The following MYO15A variants were observed in gnomAD, a reference collection of about 807,000 sequenced individuals.
MYO15A encodes the protein myosin XVA.
Under a neutral mutation model 394.6 loss-of-function variants are expected in MYO15A, and 308 were observed. The observed-to-expected ratio is 0.78, with a 90% CI of 0.71 to 0.86. The LOEUF is 0.86. MYO15A is among the 40% of genes least tolerant of loss of function. The pLI is 0.00. For synonymous variants in MYO15A, 1,957 were observed against 2,003.8 expected (o/e 0.98, Z 0.62); for missense variants, 4,606 against 4,799.1 (o/e 0.96, Z 1.19).
intron 12 of MYO15A, among the ~76,000 whole-genome samples, chr17:18,135,211 C>T (rs1046506543): frequency 3.3e-5 from 5 of 152,134 alleles, no homozygotes; most frequent in Admixed American, 6.6e-5. Context: ...ACTCTTGTCG[C>T]CCAGGCTGGA....
rs1417405313 is a variant in MYO15A at position 18,127,174 on chromosome 17, A to G, written c.4032+9A>G. On this transcript the variant is annotated intron_variant, in intron 7 of 65. Coordinates refer to ENST00000647165, the MANE Select transcript of MYO15A (RefSeq NM_016239.4). ...GGGAGGTCATGCAGCAGGTGAGTCT[A>G]CCTGTCTCCCCAGGACCCTAGGCTG... 6.2e-7 allele frequency: 1 copy of G among 1,613,762 alleles called. No homozygotes were observed. The highest frequency in any genetic ancestry group is 8.5e-7 in the Non-Finnish European group (1 of 1,179,968).
At position 18,163,840 on chromosome 17, in the gene MYO15A, T is replaced by A. The variant is rs1316979410; in HGVS notation, c.9787+2T>A. 6.2e-7 allele frequency: 1 copy of A among 1,612,922 alleles called. No individual in the cohort carries two copies. The highest frequency in any genetic ancestry group is 1.3e-5 in the African/African-American group (1 of 74,912). ...TTATCTTCGTTGTCACCAACCGTGGTGAGTGCCAGGAAGACTGAGCATGCT... is the reference window on the plus strand; with the variant it reads ...TTATCTTCGTTGTCACCAACCGTGGAGAGTGCCAGGAAGACTGAGCATGCT... On this transcript the variant is annotated splice_donor_variant, in intron 60 of 65. Coordinates refer to ENST00000647165, the MANE Select transcript of MYO15A (RefSeq NM_016239.4). LOFTEE classifies it high-confidence loss of function.
rs2046046988 is a variant in MYO15A, at chr17:18,126,600, C to G, written c.3866+144C>G. ...ACCTACTCAATCTGACAGTCTCTCC[C>G]CAGGCAGGGCCGAAGCTACAGGTTG... On this transcript the variant is annotated intron_variant, in intron 5 of 65. Coordinates refer to ENST00000647165, the MANE Select transcript of MYO15A (RefSeq NM_016239.4). 3 of 1,070,256 alleles carry G rather than the reference C, an allele frequency of 2.8e-6. No individual in the cohort carries two copies. In the Admixed American group the frequency reaches 5.9e-5, roughly 21 times the overall value. 66.3% of individuals were successfully genotyped at this position (1,070,256 alleles called of 1,614,324 possible).
chr17:18,139,486 C>A, intron 18 of MYO15A, 48 bp from the exon 19 acceptor site: 1 of 1,582,618 alleles, frequency 6.3e-7, no homozygotes, highest in Non-Finnish European at 8.6e-7. Flanking sequence ...CTAGGATAGA[C>A]AGAGAGACAG....
chr17:18,126,739 G>T, intron 5 of MYO15A, 52 bp from the exon 6 acceptor site: 1 of 1,576,392 alleles, frequency 6.3e-7, no homozygotes, highest in South Asian at 1.1e-5. Flanking sequence ...CAATCCCTGG[G>T]AGGTGTGGGA....
chr17:18,128,726 C>A (rs923106291), intron 7 of MYO15A, among the ~76,000 whole-genome samples: 4 of 152,136 alleles, frequency 2.6e-5, no homozygotes, highest in Non-Finnish European at 5.9e-5. Context: ...TTACGGCAAC[C>A]CTGGGAGGTA....
chr17:18,119,874 C>T lies in MYO15A; in HGVS notation c.1074C>T (p.Leu358=), dbSNP rs1410907076. ...ACGCGCCATACCCACCCTATGACCT[C>T]CCATACCACACTCCCTACGATGTAC... ...PYDAPYPPYD[L]PYHTPYDVPY... Residue 358 remains leucine (L), a synonymous_variant, in exon 2 of 66, where the codon CTC becomes CTT. Coordinates refer to ENST00000647165, the MANE Select transcript of MYO15A (RefSeq NM_016239.4). The T allele has an allele frequency of 3.1e-6, 5 of 1,613,116 alleles. 1 individual carries two copies. Among genetic ancestry groups the T allele is most frequent in the South Asian group, 2.2e-5 (2 of 91,092 alleles).
intron 12 of MYO15A, among the ~76,000 whole-genome samples, chr17:18,134,697 A>G (rs538760773): frequency 5.1e-4 from 78 of 152,374 alleles, no homozygotes; most frequent in African/African-American, 1.8e-3. Context: ...AGCCTAGGCA[A>G]CATAGCAAGA....
intron 51 of MYO15A, 147 bp from the exon 52 acceptor site, chr17:18,158,376 C>T (rs1472549104): frequency 1.9e-6 from 1 of 521,466 alleles, no homozygotes; most frequent in Non-Finnish European, 3.2e-6. Flanking sequence ...GTAAGAACAA[C>T]GGGATGCGGG....
At chr17:18,116,620 G>A (rs2045789289) in intron 1 of MYO15A, among the ~76,000 whole-genome samples, 2 of 152,258 alleles carry the variant, frequency 1.3e-5, no homozygotes, top group South Asian at 2.1e-4. Context: ...GATATCTCCA[G>A]GCTCAGAAAG....
chr17:18,158,023 A>G, intron 51 of MYO15A, 123 bp downstream of exon 51: 1 of 1,321,360 alleles, frequency 7.6e-7, no homozygotes, highest in Non-Finnish European at 1.0e-6. Flanking sequence ...GGCGTGGCTG[A>G]TCTTGGACTA....
At chr17:18,140,284 C>G (rs943532424) in intron 19 of MYO15A, among the ~76,000 whole-genome samples, 2 of 152,210 alleles carry the variant, frequency 1.3e-5, no homozygotes, top group Non-Finnish European at 2.9e-5. Flanking sequence ...CTGTGTGTTC[C>G]TTAGACTGAA....
chr17:18,108,932 C>A (rs555648423), intron 1 of MYO15A, 108 bp downstream of exon 1: 1 of 152,722 alleles, frequency 6.5e-6, no homozygotes, highest in Admixed American at 6.5e-5. Context: ...GGGGCCTCGC[C>A]CCTAACTCAT....
chr17:18,152,032 C>T, intron 41 of MYO15A, 80 bp from the exon 42 acceptor site: 1 of 1,539,748 alleles, frequency 6.5e-7, no homozygotes, highest in African/African-American at 1.4e-5. Context: ...ACCAGCTACC[C>T]CTATAAGCTG....
rs919233498 is a variant in MYO15A at position 18,164,160 on chromosome 17, C to T, written c.9787+322C>T. 1.0e-4 allele frequency: 42 copies of T among 405,160 alleles called. 1 individual carries two copies. Among genetic ancestry groups the T allele is most frequent in the South Asian group, 8.7e-4 (41 of 47,064 alleles). 25.1% of individuals were successfully genotyped at this position (405,160 alleles called of 1,614,324 possible). ...ATCCTGGAAAGGTTTCCATTAATAG[C>T]GCCGCATATTATGGAACCTATAGGA... On this transcript the variant is annotated intron_variant, in intron 60 of 65. Coordinates refer to ENST00000647165, the MANE Select transcript of MYO15A (RefSeq NM_016239.4).
At chr17:18,175,292 CTTT>C (rs1182500584) in intron 65 of MYO15A, among the ~76,000 whole-genome samples, 11 of 91,278 alleles carry the variant, frequency 1.2e-4, no homozygotes, top group Admixed American at 2.4e-4. Context: ...TCTAGACTAT[CTTT>C]TTTTTTTTTT....
In MYO15A at chr17:18,159,306, G is replaced by T. The variant is rs1430345728; in HGVS notation, c.9188G>T (p.Ser3063Ile). The T allele has an allele frequency of 1.2e-6, 2 of 1,614,160 alleles. No homozygotes were observed. Among genetic ancestry groups the T allele is most frequent in the South Asian group, 2.2e-5 (2 of 91,084 alleles). The change falls in exon 54 of 66, where the codon AGC (serine) becomes ATC (isoleucine). Residue 3063 changes from serine to isoleucine, a missense_variant. Ser to Ile is a moderately radical substitution (Grantham distance 142). This residue lies in a region of MYO15A where 2,776 missense variants were observed against 3,109.3 expected (regional missense o/e 0.89). Coordinates refer to ENST00000647165, the MANE Select transcript of MYO15A (RefSeq NM_016239.4). ...TPLQESLIEL[S>I]DSSLSKMATD... is the part of the protein sequence containing the mutation. Reference sequence around the variant, plus strand: ...CTCCAGGAATCCCTCATCGAACTCAGCGACAGCAGCCTCAGCAAGATGGCC... The same window carrying T: ...CTCCAGGAATCCCTCATCGAACTCATCGACAGCAGCCTCAGCAAGATGGCC...
chr17:18,128,204 G>A (rs2046088237), intron 7 of MYO15A, among the ~76,000 whole-genome samples: 1 of 152,120 alleles, frequency 6.6e-6, no homozygotes, highest in Admixed American at 6.5e-5. Context: ...CATGGAGGCA[G>A]GCTGGGCAGT....
At chr17:18,125,086 G>A in intron 3 of MYO15A, 82 bp from the exon 4 acceptor site, 3 of 1,306,448 alleles carry the variant, frequency 2.3e-6, no homozygotes, top group Non-Finnish European at 2.2e-6. Context: ...ATCTGATCAA[G>A]GCACTGCACT....
Sources: allele counts gnomAD v4.1 joint callset (sites outside exome capture counted in the v4.1 genomes callset), GRCh38; gene constraint gnomAD v4.1.1; regional missense constraint gnomAD v4.1.1; transcripts MANE v1.5; gene names NCBI Gene and HGNC (gene_info 2026-07-23, HGNC 2026-07-21).